Variants in LRRC69 observed in about 807,000 individuals in gnomAD.
LRRC69 encodes leucine rich repeat containing 69, also known as leucine-rich repeat-containing protein 69.
In LRRC69, 42 loss-of-function variants were observed where a neutral mutation model predicts 37.8. The observed-to-expected ratio is 1.11, with a 90% CI of 0.87 to 1.44. The LOEUF is 1.44. Among genes scored for constraint, LRRC69 ranks in the 40% most tolerant of loss-of-function variants. LRRC69 has a pLI of 0.00. For missense variants in LRRC69, 357 were observed against 401.9 expected, an observed-to-expected ratio of 0.89 and a Z score of 0.96; for synonymous variants, 141 against 143.1, an observed-to-expected ratio of 0.99 and a Z score of 0.11.
intron 5 of LRRC69, among the ~76,000 whole-genome samples, chr8:91,167,168 G>A (rs1295770387): frequency 6.6e-6 from 1 of 151,840 alleles, no homozygotes; most frequent in Non-Finnish European, 1.5e-5. Context: ...TTGTTATGCT[G>A]TTAATAAAGA....
intron 5 of LRRC69, among the ~76,000 whole-genome samples, chr8:91,181,602 C>A (rs1478772071): frequency 3.3e-5 from 5 of 152,034 alleles, no homozygotes; most frequent in East Asian, 3.9e-4. Flanking sequence ...ATTTATATGA[C>A]CAGGATATTA....
At chr8:91,199,337 G>C (rs937980034) in intron 6 of LRRC69, among the ~76,000 whole-genome samples, 16 of 152,172 alleles carry the variant, frequency 1.1e-4, no homozygotes, top group African/African-American at 3.6e-4. Flanking sequence ...GAGCTTAAGT[G>C]GGTAGGAGGT....
intron 6 of LRRC69, among the ~76,000 whole-genome samples, chr8:91,191,878 G>A (rs1248526355): frequency 6.6e-6 from 1 of 151,934 alleles, no homozygotes; most frequent in Non-Finnish European, 1.5e-5. Flanking sequence ...AAGTTTTAGG[G>A]TACATGTGCA....
intron 5 of LRRC69, among the ~76,000 whole-genome samples, chr8:91,144,237 G>A (rs1036514082): frequency 3.9e-5 from 6 of 152,048 alleles, no homozygotes; most frequent in Admixed American, 6.6e-5. Flanking sequence ...GTTCTAATTC[G>A]TAACTGTTAC....
intron 1 of LRRC69, among the ~76,000 whole-genome samples, chr8:91,111,236 TAA>T (rs1813405881): frequency 6.6e-6 from 1 of 151,972 alleles, no homozygotes; most frequent in African/African-American, 2.4e-5. Context: ...TATGCAGTCA[TAA>T]AAAATGAGAT....
chr8:91,165,169 T>C (rs1361044486), intron 5 of LRRC69, among the ~76,000 whole-genome samples: 2 of 151,744 alleles, frequency 1.3e-5, no homozygotes, highest in African/African-American at 4.8e-5. Flanking sequence ...GAAGAAAGGA[T>C]ATTCTCTGGC....
At chr8:91,202,473 T>G (rs1201626035) in intron 7 of LRRC69, among the ~76,000 whole-genome samples, 1 of 152,194 alleles carries the variant, frequency 6.6e-6, no homozygotes, top group African/African-American at 2.4e-5. Flanking sequence ...AGCCCTTCTT[T>G]AAATCTGGGA....
At chr8:91,114,335 G>A (rs1813468909) in intron 1 of LRRC69, among the ~76,000 whole-genome samples, 1 of 151,918 alleles carries the variant, frequency 6.6e-6, no homozygotes, top group East Asian at 1.9e-4. Context: ...GTATGTTGAA[G>A]AGGTATCCGC....
intron 5 of LRRC69, among the ~76,000 whole-genome samples, chr8:91,172,914 C>G (rs932634563): frequency 1.3e-5 from 2 of 151,992 alleles, no homozygotes; most frequent in Admixed American, 6.6e-5. Flanking sequence ...ATTCTGGGCA[C>G]AGGAGATTCC....
chr8:91,165,360 C>G (rs1186433230), intron 5 of LRRC69, among the ~76,000 whole-genome samples: 1 of 151,722 alleles, frequency 6.6e-6, no homozygotes, highest in Non-Finnish European at 1.5e-5. Flanking sequence ...CTTAGCTGTG[C>G]AGGGGATGCC....
intron 3 of LRRC69, among the ~76,000 whole-genome samples, chr8:91,131,238 T>C (rs1813803195): frequency 6.7e-6 from 1 of 150,146 alleles, no homozygotes; most frequent in African/African-American, 2.5e-5. Flanking sequence ...GATTTGTCTT[T>C]TTTTTTTTTT....
chr8:91,125,575 G>A (rs1813701573), intron 2 of LRRC69, among the ~76,000 whole-genome samples: 1 of 151,778 alleles, frequency 6.6e-6, no homozygotes, highest in African/African-American at 2.4e-5. Flanking sequence ...TACCTTGGAA[G>A]AAAACAGTTT....
intron 7 of LRRC69, among the ~76,000 whole-genome samples, chr8:91,212,668 G>T (rs897514796): frequency 2.0e-5 from 3 of 152,054 alleles, no homozygotes; most frequent in African/African-American, 7.2e-5. Context: ...ATTCATTTAT[G>T]AAACTGATCA....
chr8:91,107,029 T>C (rs1311726295), intron 1 of LRRC69, among the ~76,000 whole-genome samples: 1 of 151,706 alleles, frequency 6.6e-6, no homozygotes, highest in Non-Finnish European at 1.5e-5. Flanking sequence ...CTTGAACTCC[T>C]GGCTTCAAGC....
chr8:91,134,612 C>T (rs1430766787), intron 4 of LRRC69, among the ~76,000 whole-genome samples: 1 of 151,924 alleles, frequency 6.6e-6, no homozygotes, highest in Non-Finnish European at 1.5e-5. Context: ...ACAGACACAC[C>T]CAAAATAAAG....
At chr8:91,106,030 C>A (rs1006623037) in intron 1 of LRRC69, among the ~76,000 whole-genome samples, 1 of 151,990 alleles carries the variant, frequency 6.6e-6, no homozygotes. Context: ...AGAGAAGGGG[C>A]AGGGTGTATT....
intron 1 of LRRC69, among the ~76,000 whole-genome samples, chr8:91,119,099 G>A (rs75271562): frequency 0.012 from 1,850 of 152,102 alleles, 33 homozygotes; most frequent in African/African-American, 0.043. Flanking sequence ...GGGATCTTGT[G>A]TGTCTTGTTC....
intron 5 of LRRC69, among the ~76,000 whole-genome samples, chr8:91,182,038 G>A (rs1316587907): frequency 1.3e-5 from 2 of 152,052 alleles, no homozygotes; most frequent in Non-Finnish European, 2.9e-5. Flanking sequence ...TCACATCAGG[G>A]GGCCTATTTT....
At chr8:91,148,344 G>A (rs1296094152) in intron 5 of LRRC69, among the ~76,000 whole-genome samples, 1 of 149,626 alleles carries the variant, frequency 6.7e-6, no homozygotes, top group African/African-American at 2.5e-5. Flanking sequence ...TTGGTTTTTT[G>A]TCCTTGTGAT....
Sources: allele counts gnomAD v4.1 joint callset (sites outside exome capture counted in the v4.1 genomes callset), GRCh38; gene constraint gnomAD v4.1.1; transcripts MANE v1.5; gene names NCBI Gene and HGNC (gene_info 2026-07-23, HGNC 2026-07-21).